The following EGFR variants were observed in gnomAD, a reference collection of about 807,000 sequenced individuals.
EGFR encodes the protein avian erythroblastic leukemia viral (v-erb-b) oncogene homolog.
In EGFR, 58 loss-of-function variants were observed where a neutral mutation model predicts 143.0. The ratio of observed to expected loss-of-function variants is 0.41; its 90% confidence interval spans 0.33 to 0.50. EGFR has a LOEUF of 0.50. EGFR is among the 20% of genes least tolerant of loss of function. The probability of loss-of-function intolerance (pLI) is 0.39; values close to 1 mark genes in which losing one functional copy is unlikely to be tolerated. For synonymous variants in EGFR, 613 were observed against 594.4 expected, an observed-to-expected ratio of 1.03 and a Z score of -0.45; for missense variants, 1,307 against 1,579.0, an observed-to-expected ratio of 0.83 and a Z score of 2.92.
Position 55,191,703 on chromosome 7 carries a change from G to T in EGFR, c.2470-16G>T, listed in dbSNP as rs78746362. 1.6e-5 allele frequency: 26 copies of T among 1,613,514 alleles called. No individual in the cohort carries two copies. Among genetic ancestry groups the T allele is most frequent in the Non-Finnish European group, 2.0e-5 (24 of 1,179,956 alleles). ...ATGATGATCTGTCCCTCACAGCAGG[G>T]TCTTCTCTGTTTCAGGGCATGAACT... On this transcript the variant is annotated splice_polypyrimidine_tract_variant and intron_variant, in intron 20 of 27. Coordinates refer to ENST00000275493, the MANE Select transcript of EGFR (RefSeq NM_005228.5).
chr7:55,093,998 G>A (rs761280261), intron 1 of EGFR, among the ~76,000 whole-genome samples: 4 of 152,202 alleles, frequency 2.6e-5, no homozygotes, highest in Non-Finnish European at 4.4e-5. Flanking sequence ...GATGGGAAGT[G>A]CAGCCACTGA....
rs61541412 is a variant in EGFR, at chr7:55,196,178, A to AT, written c.2702-2524dup. On this transcript the variant is annotated intron_variant, in intron 22 of 27. Coordinates refer to ENST00000275493, the MANE Select transcript of EGFR (RefSeq NM_005228.5). ...CACAACCTCACCAGCATGTGTTGGG[A>AT]TTTTTTTTTTTTTTTACTTTTCAAT... Among the ~76,000 whole-genome samples the AT allele has an allele frequency of 4.1e-4, 36 of 88,106 alleles. 2 individuals carry two copies. Among genetic ancestry groups the AT allele is most frequent in the Admixed American group, 1.3e-3 (9 of 6,942 alleles). The allele number at this position is 88,106 out of a possible 152,430, so 57.8% of individuals were successfully genotyped here. A position where few individuals can be genotyped will look rare whatever the true frequency, so the allele number is the denominator to read the frequency against.
rs2128926190 is a variant in EGFR at position 55,142,323 on chromosome 7, C to A, written c.126C>A (p.Gly42=). The A allele has an allele frequency of 6.2e-7, 1 of 1,614,178 alleles. No homozygotes were observed. The highest frequency in any genetic ancestry group is 8.5e-7 in the Non-Finnish European group (1 of 1,180,038). ...CGAGTAACAAGCTCACGCAGTTGGGCACTTTTGAAGATCATTTTCTCAGCC... is the reference window on the plus strand; with the variant it reads ...CGAGTAACAAGCTCACGCAGTTGGGAACTTTTGAAGATCATTTTCTCAGCC... ...QGTSNKLTQL[G]TFEDHFLSLQ... The change falls in exon 2 of 28, where the codon GGC becomes GGA. Residue 42 remains glycine, a synonymous_variant. Transcript: ENST00000275493.
intron 16 of EGFR, 90 bp downstream of exon 16, chr7:55,171,303 C>T: frequency 6.4e-7 from 1 of 1,553,548 alleles, no homozygotes; most frequent in Non-Finnish European, 8.9e-7. Context: ...TTCTGACTGT[C>T]CTCTGTCCTG....
intron 1 of EGFR, among the ~76,000 whole-genome samples, chr7:55,116,279 A>C (rs1341798684): frequency 6.6e-6 from 1 of 152,178 alleles, no homozygotes; most frequent in Non-Finnish European, 1.5e-5. Context: ...GGGGCCAGCT[A>C]TTGAGATTCC....
Position 55,207,301 on chromosome 7 carries a change from G to A in EGFR, c.*1684G>A, listed in dbSNP as rs1788132496. ...ATTGTTAAGAAAGTATTTGATTTTT[G>A]TCTCAATGAAAATAAAACTATATTC... On this transcript the variant is annotated 3_prime_UTR_variant, in exon 28 of 28. Coordinates refer to ENST00000275493, the MANE Select transcript of EGFR (RefSeq NM_005228.5). 4.3e-6 allele frequency: 1 copy of A among 232,244 alleles called. No homozygotes were observed. Among genetic ancestry groups the A allele is most frequent in the Non-Finnish European group, 8.5e-6 (1 of 117,576 alleles). The allele number at this position is 232,244 out of a possible 1,614,324, so 14.4% of individuals were successfully genotyped here. A position where few individuals can be genotyped will look rare whatever the true frequency, so the allele number is the denominator to read the frequency against.
intron 19 of EGFR, among the ~76,000 whole-genome samples, chr7:55,178,385 TG>T (rs1253766881): frequency 1.3e-5 from 2 of 152,230 alleles, no homozygotes; most frequent in Non-Finnish European, 2.9e-5. Flanking sequence ...AGGTGTACTG[TG>T]TGTGTGTCTC....
intron 17 of EGFR, 80 bp from the exon 18 acceptor site, chr7:55,173,841 T>C: frequency 6.2e-7 from 1 of 1,612,378 alleles, no homozygotes; most frequent in Non-Finnish European, 8.5e-7. Flanking sequence ...CTGGTCCCCC[T>C]GCTGGGCCAT....
At chr7:55,055,512 C>T (rs1398070416) in intron 1 of EGFR, among the ~76,000 whole-genome samples, 3 of 152,174 alleles carry the variant, frequency 2.0e-5, no homozygotes, top group Non-Finnish European at 4.4e-5. Context: ...TTAACACATT[C>T]AGCCCACCAG....
intron 7 of EGFR, 151 bp downstream of exon 7, chr7:55,154,303 A>G: frequency 1.6e-6 from 2 of 1,274,336 alleles, no homozygotes. Context: ...GTCCAGGCAC[A>G]CAGGCGAGGG....
intron 20 of EGFR, among the ~76,000 whole-genome samples, chr7:55,190,686 A>G (rs1584255188): frequency 6.6e-6 from 1 of 151,922 alleles, no homozygotes; most frequent in Non-Finnish European, 1.5e-5. Context: ...TGTCGTGCCC[A>G]CTCTGTACTA....
At position 55,101,912 on chromosome 7, in the gene EGFR, C is replaced by T. The variant is rs549399289; in HGVS notation, c.89-40374C>T. On this transcript the variant is annotated intron_variant, in intron 1 of 27. Transcript: ENST00000275493. ...TTAATTTCTTCCCATCCCTTTTCCA[C>T]GCAGCCCAGAAGCCTTGGATCACGT... Among the ~76,000 whole-genome samples, 9 of 152,310 alleles carry T rather than the reference C, an allele frequency of 5.9e-5. No homozygotes were observed. In the South Asian group the frequency reaches 6.2e-4, roughly 11 times the overall value.
At position 55,200,350 on chromosome 7, in the gene EGFR, C is replaced by T. The variant is rs1787791925; in HGVS notation, c.2883C>T (p.Phe961=). Reference sequence around the variant, plus strand: ...TAGACGCAGATAGTCGCCCAAAGTTCCGTGAGTTGATCATCGAATTCTCCA... The same window carrying T: ...TAGACGCAGATAGTCGCCCAAAGTTTCGTGAGTTGATCATCGAATTCTCCA... ...WMIDADSRPK[F]RELIIEFSKM... is the part of the protein sequence containing the mutation. The change falls in exon 24 of 28, where the codon TTC becomes TTT. Residue 961 remains phenylalanine (F), a synonymous_variant. Coordinates refer to ENST00000275493, the MANE Select transcript of EGFR (RefSeq NM_005228.5). The T allele has an allele frequency of 6.2e-7, 1 of 1,614,048 alleles. No individual in the cohort carries two copies. Among genetic ancestry groups the T allele is most frequent in the Admixed American group, 1.7e-5 (1 of 60,006 alleles).
At chr7:55,204,679 C>T (rs1238086912) in intron 27 of EGFR, among the ~76,000 whole-genome samples, 2 of 128,618 alleles carry the variant, frequency 1.6e-5, no homozygotes, top group East Asian at 2.4e-4. Flanking sequence ...GTACACACAC[C>T]ACACACACCA....
In EGFR at chr7:55,146,763, C is replaced by G. The variant is rs1794787436; in HGVS notation, c.559+23C>G. On this transcript the variant is annotated intron_variant, in intron 4 of 27. Coordinates refer to ENST00000275493, the MANE Select transcript of EGFR (RefSeq NM_005228.5). ...GCTGTAAGTGTCGCATACACACTATCTCTGCCTCCAGCTCCTATGGGGGAC... is the reference window on the plus strand; with the variant it reads ...GCTGTAAGTGTCGCATACACACTATGTCTGCCTCCAGCTCCTATGGGGGAC... 2.5e-6 allele frequency: 4 copies of G among 1,614,076 alleles called. No homozygotes were observed. In the East Asian group the frequency reaches 8.9e-5, roughly 36 times the overall value.
intron 1 of EGFR, among the ~76,000 whole-genome samples, chr7:55,089,454 A>C (rs1306369628): frequency 1.3e-5 from 2 of 152,180 alleles, no homozygotes; most frequent in Admixed American, 6.5e-5. Context: ...CAGAACCCCA[A>C]ATCATCAAGT....
chr7:55,101,517 T>C (rs1012613551), intron 1 of EGFR, among the ~76,000 whole-genome samples: 13 of 152,228 alleles, frequency 8.5e-5, no homozygotes, highest in Admixed American at 2.0e-4. Flanking sequence ...CATGAAATCC[T>C]ATCAGCCAGC....
chr7:55,176,104 A>G (rs926689948), intron 19 of EGFR, among the ~76,000 whole-genome samples: 2 of 152,236 alleles, frequency 1.3e-5, no homozygotes, highest in African/African-American at 2.4e-5. Context: ...TTTCACTTAC[A>G]ATCTCTGGCC....
At chr7:55,076,701 T>A (rs576317184) in intron 1 of EGFR, among the ~76,000 whole-genome samples, 1 of 152,328 alleles carries the variant, frequency 6.6e-6, no homozygotes, top group East Asian at 1.9e-4. Flanking sequence ...TGAGGAATAC[T>A]GTAGTTTCTT....
Sources: gnomAD v4.1 joint callset for allele counts (sites outside exome capture counted in the v4.1 genomes callset) on GRCh38, gnomAD v4.1.1 for gene constraint, MANE v1.5 for transcripts, NCBI Gene and HGNC (gene_info 2026-07-23, HGNC 2026-07-21) for gene names.